CPEB1: variants seen among roughly 807,000 people sequenced by gnomAD.
CPEB1 encodes the protein cytoplasmic polyadenylation element-binding protein 1.
In CPEB1, 7 loss-of-function variants were observed where a neutral mutation model predicts 65.8. That is an observed-to-expected ratio of 0.11 (90% CI 0.06 to 0.20). The LOEUF (loss-of-function observed/expected upper bound fraction) is 0.20, where lower values mean the gene tolerates loss of function less well. Among genes scored for constraint, CPEB1 ranks in the 10% least tolerant of loss-of-function variants. The pLI is 1.00. For missense variants in CPEB1, 551 were observed against 712.2 expected (o/e 0.77, Z 2.58); for synonymous variants, 262 against 260.0 (o/e 1.01, Z -0.08).
rs35267620 is a variant in CPEB1, at chr15:82,617,724, G to GTTTTTT, written c.271+9463_271+9468dup. ...ATTAATTGTTATTAATTCTATTAAA[G>GTTTTTT]TTTTTTTTTTTTTTTTTTTTTTTTT... On this transcript the variant is annotated intron_variant, in intron 3 of 12. Coordinates refer to ENST00000684509, the MANE Select transcript of CPEB1 (RefSeq NM_001365242.1). Among the ~76,000 whole-genome samples the GTTTTTT allele has an allele frequency of 1.4e-4, 12 of 83,818 alleles. 1 individual carries two copies. Among genetic ancestry groups the GTTTTTT allele is most frequent in the South Asian group, 9.7e-4 (2 of 2,058 alleles). 55.0% of individuals were successfully genotyped at this position (83,818 alleles called of 152,430 possible).
At chr15:82,576,521 A>C (rs1010001280) in intron 3 of CPEB1, among the ~76,000 whole-genome samples, 6 of 152,238 alleles carry the variant, frequency 3.9e-5, no homozygotes, top group African/African-American at 2.4e-5. Context: ...GGTAAACTGT[A>C]GCAATGTCTA....
rs59519927 is a variant in CPEB1 at position 82,621,270 on chromosome 15, G to A, written c.271+5923C>T. Among the ~76,000 whole-genome samples the A allele has an allele frequency of 2.8e-3, 430 of 151,538 alleles. 2 individuals are homozygous for A. The highest frequency in any genetic ancestry group is 0.01 in the African/African-American group (417 of 41,272). ...AGGCTGAGGCAGGAGGATGGCTTGAGGCCAGGAGTCTGAGACCAGCCTGGG... is the reference window on the plus strand; with the variant it reads ...AGGCTGAGGCAGGAGGATGGCTTGAAGCCAGGAGTCTGAGACCAGCCTGGG... On this transcript the variant is annotated intron_variant, in intron 3 of 12. Coordinates refer to ENST00000684509, the MANE Select transcript of CPEB1 (RefSeq NM_001365242.1).
chr15:82,614,848 AGTGTGTGTGTGT>A (rs752486940), intron 3 of CPEB1, among the ~76,000 whole-genome samples: 16 of 144,002 alleles, frequency 1.1e-4, no homozygotes, highest in African/African-American at 3.0e-4. Context: ...TTAAAATATA[AGTGTGTGTGTGT>A]GTGTGTGTGT....
intron 3 of CPEB1, among the ~76,000 whole-genome samples, chr15:82,615,144 T>C (rs1418695980): frequency 6.6e-6 from 1 of 152,252 alleles, no homozygotes; most frequent in Non-Finnish European, 1.5e-5. Context: ...TCAGGTCATC[T>C]GCATTCAGAG....
chr15:82,648,015 T>C (rs2047725922), upstream of CPEB1: 1 of 573,746 alleles, frequency 1.7e-6, no homozygotes, highest in Admixed American at 4.5e-5. Context: ...GAGCCGCTCC[T>C]CGGAGCCGCC....
intron 1 of CPEB1, among the ~76,000 whole-genome samples, chr15:82,642,509 C>T (rs2047191525): frequency 6.6e-6 from 1 of 152,200 alleles, no homozygotes; most frequent in Non-Finnish European, 1.5e-5. Flanking sequence ...GATTGCACCA[C>T]TGCCCGCCAG....
chr15:82,612,160 G>T (rs2044219003), intron 3 of CPEB1, among the ~76,000 whole-genome samples: 2 of 152,062 alleles, frequency 1.3e-5, no homozygotes, highest in Non-Finnish European at 2.9e-5. Flanking sequence ...ATGAAACAGA[G>T]AAATTCCTAG....
At chr15:82,553,761 T>A in intron 7 of CPEB1, 117 bp downstream of exon 7, 6 of 805,792 alleles carry the variant, frequency 7.4e-6, no homozygotes, top group Non-Finnish European at 1.3e-5. Context: ...CAGACACTCA[T>A]GTAATACCCT....
chr15:82,579,918 C>CAAAAAAA lies in CPEB1; in HGVS notation c.272-8393_272-8387dup, dbSNP rs59925251. On this transcript the variant is annotated intron_variant, in intron 3 of 12. Coordinates refer to ENST00000684509, the MANE Select transcript of CPEB1 (RefSeq NM_001365242.1). ...TGGGCGACAGAGTGAGACTCCGTCT[C>CAAAAAAA]AAAAAAAAAAAAAAAAAAAAAAAAA... Among the ~76,000 whole-genome samples the CAAAAAAA allele has an allele frequency of 7.7e-4, 25 of 32,678 alleles. 7 individuals are homozygous for CAAAAAAA. Among genetic ancestry groups the CAAAAAAA allele is most frequent in the Non-Finnish European group, 9.6e-4 (14 of 14,606 alleles). The allele number at this position is 32,678 out of a possible 152,430, so 21.4% of individuals were successfully genotyped here. A position where few individuals can be genotyped will look rare whatever the true frequency, so the allele number is the denominator to read the frequency against.
intron 3 of CPEB1, among the ~76,000 whole-genome samples, chr15:82,617,955 G>A (rs1181785476): frequency 1.3e-5 from 2 of 151,300 alleles, no homozygotes; most frequent in Admixed American, 6.6e-5. Context: ...GGATGGTCTC[G>A]ATCTCCTGAC....
At chr15:82,557,675 TC>T in intron 5 of CPEB1, 84 bp downstream of exon 5, 1 of 1,121,788 alleles carries the variant, frequency 8.9e-7, no homozygotes, top group Non-Finnish European at 1.3e-6. Flanking sequence ...GGGACAGGCA[TC>T]CCATAGATAT....
At chr15:82,610,037 G>T (rs1395742256) in intron 3 of CPEB1, among the ~76,000 whole-genome samples, 2 of 141,388 alleles carry the variant, frequency 1.4e-5, no homozygotes, top group African/African-American at 5.3e-5. Context: ...TCCAGCCTAG[G>T]CAACAAGAGC....
At chr15:82,556,831 A>G (rs2037286221) in intron 5 of CPEB1, among the ~76,000 whole-genome samples, 1 of 152,204 alleles carries the variant, frequency 6.6e-6, no homozygotes, top group South Asian at 2.1e-4. Flanking sequence ...TGCAGCCTTA[A>G]CAGATAAAAC....
chr15:82,545,871 C>G (rs1264246646), intron 12 of CPEB1, among the ~76,000 whole-genome samples: 1 of 152,182 alleles, frequency 6.6e-6, no homozygotes, highest in African/African-American at 2.4e-5. Context: ...AGCCAGGCTT[C>G]CATCATCTAC....
intron 3 of CPEB1, among the ~76,000 whole-genome samples, chr15:82,600,505 T>C (rs2043011763): frequency 6.6e-6 from 1 of 151,754 alleles, no homozygotes; most frequent in Non-Finnish European, 1.5e-5. Flanking sequence ...AAACAATGAC[T>C]ATATAAGATA....
At chr15:82,628,681 A>C in intron 1 of CPEB1, 125 bp from the exon 2 acceptor site, 1 of 530,216 alleles carries the variant, frequency 1.9e-6, no homozygotes, top group South Asian at 2.3e-5. Context: ...TTCTCCTTAC[A>C]TCCGCTCCAC....
At chr15:82,639,985 G>A (rs1234221231) in intron 1 of CPEB1, among the ~76,000 whole-genome samples, 1 of 152,156 alleles carries the variant, frequency 6.6e-6, no homozygotes, top group Non-Finnish European at 1.5e-5. Context: ...AACATTGGAA[G>A]CTTGTACCAG....
At chr15:82,610,660 GA>G (rs1044442022) in intron 3 of CPEB1, among the ~76,000 whole-genome samples, 20 of 151,882 alleles carry the variant, frequency 1.3e-4, no homozygotes, top group African/African-American at 4.8e-4. Flanking sequence ...ACTAGGAATA[GA>G]AAAAAACATC....
intron 6 of CPEB1, 83 bp from the exon 7 acceptor site, chr15:82,554,074 TAA>T: frequency 1.3e-6 from 1 of 776,330 alleles, no homozygotes; most frequent in Non-Finnish European, 2.1e-6. Context: ...ACTTGTCCAG[TAA>T]GAACCTGACT....
Sources: gnomAD v4.1 joint callset for allele counts (sites outside exome capture counted in the v4.1 genomes callset) on GRCh38, gnomAD v4.1.1 for gene constraint, MANE v1.5 for transcripts, NCBI Gene and HGNC (gene_info 2026-07-23, HGNC 2026-07-21) for gene names.